CTIF: variants seen among roughly 807,000 people sequenced by gnomAD.
The protein encoded by CTIF is CBP80/20-dependent translation initiation factor.
A neutral mutation model predicts 66.0 loss-of-function variants in CTIF; 21 were observed. The observed-to-expected ratio is 0.32, with a 90% CI of 0.23 to 0.46. CTIF has a LOEUF of 0.46. CTIF is among the 20% of genes least tolerant of loss of function. The probability of loss-of-function intolerance (pLI) is 1.00; values close to 1 mark genes in which losing one functional copy is unlikely to be tolerated. For synonymous variants in CTIF, 345 were observed against 326.4 expected (o/e 1.06, Z -0.62); for missense variants, 739 against 812.7 (o/e 0.91, Z 1.10).
intron 1 of CTIF, among the ~76,000 whole-genome samples, chr18:48,561,589 C>G (rs2089165876): frequency 2.0e-5 from 3 of 152,236 alleles, no homozygotes; most frequent in Non-Finnish European, 2.9e-5. Flanking sequence ...CACTCCATCC[C>G]TGTGCCCCAC....
At chr18:48,706,189 C>T (rs1157321810) in intron 6 of CTIF, among the ~76,000 whole-genome samples, 3 of 152,154 alleles carry the variant, frequency 2.0e-5, no homozygotes, top group Non-Finnish European at 2.9e-5. Context: ...AAAACATAGT[C>T]CTTTATCATA....
At chr18:48,842,210 C>T (rs901677639) in intron 10 of CTIF, among the ~76,000 whole-genome samples, 1 of 152,078 alleles carries the variant, frequency 6.6e-6, no homozygotes, top group Admixed American at 6.5e-5. Flanking sequence ...GGGCCAATGC[C>T]AATTACAAGA....
At chr18:48,672,646 G>T (rs1230843292) in intron 6 of CTIF, among the ~76,000 whole-genome samples, 1 of 152,138 alleles carries the variant, frequency 6.6e-6, no homozygotes, top group Non-Finnish European at 1.5e-5. Flanking sequence ...CTACCTGGAG[G>T]CAAGAAGGAA....
intron 10 of CTIF, among the ~76,000 whole-genome samples, chr18:48,847,520 C>G (rs1294158165): frequency 6.6e-6 from 1 of 152,128 alleles, no homozygotes; most frequent in Admixed American, 6.5e-5. Flanking sequence ...TATGATAATA[C>G]CTGTGGCCTT....
At chr18:48,690,686 C>T (rs924652325) in intron 6 of CTIF, among the ~76,000 whole-genome samples, 10 of 152,032 alleles carry the variant, frequency 6.6e-5, no homozygotes, top group African/African-American at 1.4e-4. Flanking sequence ...CCCTGCAACA[C>T]GCACAGGACC....
intron 9 of CTIF, among the ~76,000 whole-genome samples, chr18:48,764,500 C>T (rs567956339): frequency 6.2e-4 from 95 of 152,216 alleles, no homozygotes; most frequent in African/African-American, 2.0e-3. Flanking sequence ...GGAGGGCCCT[C>T]GGTCGTCAAG....
intron 3 of CTIF, among the ~76,000 whole-genome samples, chr18:48,663,327 C>T (rs2091378336): frequency 6.6e-6 from 1 of 152,098 alleles, no homozygotes; most frequent in Non-Finnish European, 1.5e-5. Flanking sequence ...TCGGTGGGGG[C>T]TTCTGGGGAG....
intron 7 of CTIF, among the ~76,000 whole-genome samples, chr18:48,728,688 G>C (rs1197302166): frequency 6.6e-6 from 1 of 151,930 alleles, no homozygotes; most frequent in Non-Finnish European, 1.5e-5. Context: ...GGGCCTCTCT[G>C]TAGGGTGCTC....
intron 1 of CTIF, among the ~76,000 whole-genome samples, chr18:48,594,370 A>T (rs1263114041): frequency 8.7e-6 from 1 of 114,458 alleles, no homozygotes; most frequent in South Asian, 3.1e-4. Flanking sequence ...TTATATAGCC[A>T]GTCCTGCTTG....
chr18:48,734,967 A>ATG (rs1242605722), intron 7 of CTIF, among the ~76,000 whole-genome samples: 5 of 152,250 alleles, frequency 3.3e-5, no homozygotes, highest in South Asian at 2.1e-4. Context: ...ATATATGCAC[A>ATG]TGTGTGTTTA....
At chr18:48,690,619 G>A (rs534845575) in intron 6 of CTIF, among the ~76,000 whole-genome samples, 1 of 152,184 alleles carries the variant, frequency 6.6e-6, no homozygotes, top group African/African-American at 2.4e-5. Flanking sequence ...TCGGGGATTG[G>A]CTGTGGAAAG....
chr18:48,689,901 C>T (rs746623651), intron 6 of CTIF, among the ~76,000 whole-genome samples: 12 of 152,164 alleles, frequency 7.9e-5, no homozygotes, highest in Non-Finnish European at 1.5e-4. Context: ...CATGGCTGAG[C>T]CCCTCTGCCC....
intron 3 of CTIF, among the ~76,000 whole-genome samples, chr18:48,658,002 G>A (rs1242806956): frequency 6.6e-6 from 1 of 152,172 alleles, no homozygotes; most frequent in Non-Finnish European, 1.5e-5. Context: ...CTGGTGAGAA[G>A]TTCCAGAACT....
chr18:48,568,600 A>G (rs4349219), intron 1 of CTIF, among the ~76,000 whole-genome samples: 123,122 of 140,358 alleles, frequency 0.88, 54,217 homozygotes, highest in East Asian at 1. Flanking sequence ...TTTTTATATC[A>G]CTATGAAGAA....
At chr18:48,682,124 T>C (rs1331391481) in intron 6 of CTIF, among the ~76,000 whole-genome samples, 10 of 152,150 alleles carry the variant, frequency 6.6e-5, no homozygotes, top group Admixed American at 5.9e-4. Context: ...AGAGGTCACC[T>C]CCTCTGTGAA....
At chr18:48,768,354 G>A (rs1909770917) in intron 9 of CTIF, among the ~76,000 whole-genome samples, 1 of 152,170 alleles carries the variant, frequency 6.6e-6, no homozygotes, top group African/African-American at 2.4e-5. Context: ...GGAAATGGCT[G>A]TGGAAGGGAG....
At chr18:48,755,727 C>A (rs59201905) in intron 7 of CTIF, 1 of 152,148 alleles carries the variant, frequency 6.6e-6, no homozygotes, top group Non-Finnish European at 1.5e-5. Context: ...ATGAAAAATG[C>A]CACACAGGCC....
intron 2 of CTIF, among the ~76,000 whole-genome samples, chr18:48,624,413 C>T (rs2090556371): frequency 6.6e-6 from 1 of 152,180 alleles, no homozygotes; most frequent in African/African-American, 2.4e-5. Flanking sequence ...CAGGCCATGA[C>T]TGATTGGGTG....
At chr18:48,671,666 A>G (rs999149336) in intron 6 of CTIF, among the ~76,000 whole-genome samples, 4 of 151,672 alleles carry the variant, frequency 2.6e-5, no homozygotes, top group African/African-American at 9.7e-5. Context: ...AGTTTCTTGG[A>G]TCTGTAGGTT....
Sources: allele counts gnomAD v4.1 joint callset (sites outside exome capture counted in the v4.1 genomes callset), GRCh38; gene constraint gnomAD v4.1.1; transcripts MANE v1.5; gene names NCBI Gene and HGNC (gene_info 2026-07-23, HGNC 2026-07-21).